The following SMC5 variants were observed in gnomAD, a reference collection of about 807,000 sequenced individuals.
SMC5 encodes the protein structural maintenance of chromosomes protein 5.
Under a neutral mutation model 148.3 loss-of-function variants are expected in SMC5, and 88 were observed. The observed-to-expected ratio is 0.59, with a 90% confidence interval of 0.50 to 0.71. The LOEUF (loss-of-function observed/expected upper bound fraction) is 0.71, where lower values mean the gene tolerates loss of function less well. Ranked by LOEUF, SMC5 falls within the 30% of genes least tolerant of loss-of-function variation. SMC5 has a pLI of 0.00. For missense variants in SMC5, 1,142 were observed against 1,298.9 expected, an observed-to-expected ratio of 0.88 and a Z score of 1.86; for synonymous variants, 421 against 432.8, an observed-to-expected ratio of 0.97 and a Z score of 0.34.
At chr9:70,301,812 G>C (rs1353697143) in intron 10 of SMC5, among the ~76,000 whole-genome samples, 1 of 152,124 alleles carries the variant, frequency 6.6e-6, no homozygotes, top group Non-Finnish European at 1.5e-5. Context: ...TTTATGACAT[G>C]TTAGTAAATC....
At chr9:70,315,385 C>T (rs1398290553) in intron 12 of SMC5, 61 bp from the exon 13 acceptor site, 2 of 1,252,818 alleles carry the variant, frequency 1.6e-6, no homozygotes, top group East Asian at 5.1e-5. Context: ...GGCTTATCAA[C>T]TCCCAGATTT....
At chr9:70,286,033 C>G (rs1337990543) in intron 7 of SMC5, among the ~76,000 whole-genome samples, 167 bp from the exon 8 acceptor site, 1 of 152,202 alleles carries the variant, frequency 6.6e-6, no homozygotes, top group African/African-American at 2.4e-5. Context: ...TAGGAATAAC[C>G]TTTTATAGAC....
chr9:70,302,508 T>A (rs1216298323), intron 10 of SMC5, among the ~76,000 whole-genome samples: 43 of 146,356 alleles, frequency 2.9e-4, no homozygotes, highest in Middle Eastern at 6.9e-3. Context: ...AAAAAATATA[T>A]ATATATATAT....
intron 12 of SMC5, 51 bp downstream of exon 12, chr9:70,314,887 T>G: frequency 9.1e-7 from 1 of 1,101,238 alleles, no homozygotes; most frequent in Non-Finnish European, 1.3e-6. Context: ...TATTCAACAT[T>G]TATTGTTACA....
intron 17 of SMC5, 38 bp from the exon 18 acceptor site, chr9:70,344,106 A>G (rs746350423): frequency 5.2e-6 from 7 of 1,341,346 alleles, no homozygotes; most frequent in South Asian, 4.9e-5. Flanking sequence ...CTGCTTTAAC[A>G]TTAACATTCA....
At chr9:70,283,382 A>G (rs984067690) in intron 7 of SMC5, among the ~76,000 whole-genome samples, 1 of 152,162 alleles carries the variant, frequency 6.6e-6, no homozygotes, top group Admixed American at 6.5e-5. Context: ...CAGGAGGATC[A>G]CTTGCGCCTA....
At chr9:70,333,769 A>G (rs1453231090) in intron 17 of SMC5, among the ~76,000 whole-genome samples, 1 of 152,158 alleles carries the variant, frequency 6.6e-6, no homozygotes, top group South Asian at 2.1e-4. Flanking sequence ...ATATATTTAA[A>G]AGACTTGTAT....
Position 70,297,826 on chromosome 9 carries a change from G to A in SMC5, c.1054-140G>A, listed in dbSNP as rs186556317. On this transcript the variant is annotated intron_variant, in intron 8 of 24. Coordinates refer to ENST00000361138, the MANE Select transcript of SMC5 (RefSeq NM_015110.4). ...GTCTGGTAGAACTGGTAATGTGCTA[G>A]TCTAATTCTCACAGGACACCTTTTA... 1.0e-3 allele frequency: 905 copies of A among 898,260 alleles called. 8 individuals carry two copies. The African/African-American group carries it at 0.014, about 14-fold the overall frequency. The allele number at this position is 898,260 out of a possible 1,614,324, so 55.6% of individuals were successfully genotyped here.
intron 17 of SMC5, among the ~76,000 whole-genome samples, chr9:70,331,402 TA>T (rs1219582583): frequency 6.7e-6 from 1 of 149,708 alleles, no homozygotes; most frequent in African/African-American, 2.5e-5. Context: ...CAACTACTTT[TA>T]AAAGGTAGAA....
intron 7 of SMC5, among the ~76,000 whole-genome samples, chr9:70,283,261 C>A (rs1324566240): frequency 6.6e-6 from 1 of 152,066 alleles, no homozygotes; most frequent in Non-Finnish European, 1.5e-5. Flanking sequence ...CTCAGGAGTT[C>A]AAGACCAGCT....
intron 17 of SMC5, among the ~76,000 whole-genome samples, chr9:70,335,186 G>A (rs948620438): frequency 6.6e-6 from 1 of 152,174 alleles, no homozygotes; most frequent in African/African-American, 2.4e-5. Context: ...AGCTGTCTTT[G>A]TAATAGCTAA....
intron 7 of SMC5, 142 bp downstream of exon 7, chr9:70,282,725 A>T (rs921346745): frequency 1.2e-6 from 1 of 821,140 alleles, no homozygotes; most frequent in Non-Finnish European, 1.8e-6. Context: ...TTCTGCCACC[A>T]TAGGATTTTC....
At position 70,309,318 on chromosome 9, in the gene SMC5, C is replaced by CTTTTTTTTTTTTTT. The variant is rs59694037; in HGVS notation, c.1578+3976_1578+3989dup. Among the ~76,000 whole-genome samples, 86 of 79,156 alleles carry CTTTTTTTTTTTTTT rather than the reference C, an allele frequency of 1.1e-3. 9 individuals carry two copies. Among genetic ancestry groups the CTTTTTTTTTTTTTT allele is most frequent in the Non-Finnish European group, 1.7e-3 (71 of 42,810 alleles). The allele number at this position is 79,156 out of a possible 152,430, so 51.9% of individuals were successfully genotyped here. ...ATAGCAGAATTTCTTTTTCCTTTTC[C>CTTTTTTTTTTTTTT]TTTTTTTTTTTTTTTTTTTTTTTTT... On this transcript the variant is annotated intron_variant, in intron 11 of 24. Coordinates refer to ENST00000361138, the MANE Select transcript of SMC5 (RefSeq NM_015110.4).
At chr9:70,305,165 T>C in intron 10 of SMC5, 82 bp from the exon 11 acceptor site, 1 of 638,820 alleles carries the variant, frequency 1.6e-6, no homozygotes, top group South Asian at 2.0e-5. Flanking sequence ...TACAATCTAA[T>C]TAAATCCAAT....
chr9:70,321,537 T>G (rs1587690628), intron 15 of SMC5, among the ~76,000 whole-genome samples: 1 of 151,292 alleles, frequency 6.6e-6, no homozygotes, highest in Non-Finnish European at 1.5e-5. Flanking sequence ...GGACCACAGG[T>G]GTGCACCACT....
chr9:70,348,631 C>T (rs1462250654), intron 22 of SMC5, among the ~76,000 whole-genome samples: 7 of 151,508 alleles, frequency 4.6e-5, no homozygotes, highest in Non-Finnish European at 1.0e-4. Flanking sequence ...GTGGAGGTTC[C>T]AGTGAGCCAA....
chr9:70,350,497 G>C, intron 24 of SMC5, 26 bp downstream of exon 24: 1 of 1,482,798 alleles, frequency 6.7e-7, no homozygotes, highest in Non-Finnish European at 9.2e-7. Context: ...CCTAAAAGTG[G>C]TCATATACTC....
intron 8 of SMC5, among the ~76,000 whole-genome samples, chr9:70,290,271 A>C (rs994330040): frequency 5.9e-5 from 9 of 152,204 alleles, no homozygotes; most frequent in African/African-American, 1.9e-4. Context: ...CTTTTACTTT[A>C]AGCCTATTTG....
At chr9:70,265,240 G>GCCAT (rs1197570999) in intron 2 of SMC5, among the ~76,000 whole-genome samples, 2 of 152,084 alleles carry the variant, frequency 1.3e-5, no homozygotes, top group African/African-American at 4.8e-5. Flanking sequence ...ACTTTGGGAG[G>GCCAT]CCATGATCAG....
Sources: gnomAD v4.1 joint callset for allele counts (sites outside exome capture counted in the v4.1 genomes callset) on GRCh38, gnomAD v4.1.1 for gene constraint, MANE v1.5 for transcripts, NCBI Gene and HGNC (gene_info 2026-07-23, HGNC 2026-07-21) for gene names.